Variants in PDPN observed in about 807,000 individuals in gnomAD.
PDPN encodes the protein PA2.26 antigen.
In PDPN, 12 loss-of-function variants were observed where a neutral mutation model predicts 23.2. The ratio of observed to expected loss-of-function variants is 0.52; its 90% CI spans 0.33 to 0.84. The LOEUF is 0.84. Ranked by LOEUF, PDPN falls within the 40% of genes least tolerant of loss-of-function variation. The probability of loss-of-function intolerance (pLI) is 0.02; values close to 1 mark genes in which losing one functional copy is unlikely to be tolerated. For synonymous variants in PDPN, 77 were observed against 76.7 expected, an observed-to-expected ratio of 1.00 and a Z score of -0.02; for missense variants, 199 against 212.2, an observed-to-expected ratio of 0.94 and a Z score of 0.39.
intron 1 of PDPN, among the ~76,000 whole-genome samples, chr1:13,584,574 C>A (rs1570000504): frequency 6.6e-6 from 1 of 152,236 alleles, no homozygotes; most frequent in African/African-American, 2.4e-5. Context: ...TGGCCCTGGT[C>A]CCCCTTGGGA....
At chr1:13,613,429 A>G (rs1026833404) in intron 3 of PDPN, among the ~76,000 whole-genome samples, 1 of 152,136 alleles carries the variant, frequency 6.6e-6, no homozygotes, top group Non-Finnish European at 1.5e-5. Flanking sequence ...TGCTTTCTAA[A>G]CTATAAAATT....
chr1:13,613,040 C>CA (rs1557551970), intron 3 of PDPN, among the ~76,000 whole-genome samples: 4 of 152,018 alleles, frequency 2.6e-5, no homozygotes, highest in Non-Finnish European at 5.9e-5. Context: ...AAAAGAAACT[C>CA]ACAATGACAA....
intron 1 of PDPN, 114 bp from the exon 2 acceptor site, chr1:13,607,059 T>TA: frequency 1.6e-6 from 2 of 1,289,934 alleles, no homozygotes; most frequent in Non-Finnish European, 2.1e-6. Flanking sequence ...GGACCAAAAA[T>TA]AAAACAAAAA....
intron 1 of PDPN, among the ~76,000 whole-genome samples, chr1:13,586,222 A>C (rs916619315): frequency 6.6e-6 from 1 of 152,152 alleles, no homozygotes; most frequent in African/African-American, 2.4e-5. Flanking sequence ...TCATGCGGCC[A>C]ACAAATTTCC....
chr1:13,613,763 GT>G (rs1557552451), intron 4 of PDPN, 38 bp downstream of exon 4: 3 of 1,233,524 alleles, frequency 2.4e-6, no homozygotes, highest in Non-Finnish European at 2.4e-6. Context: ...TCTTACTGGG[GT>G]TTTTTAAAAA....
intron 1 of PDPN, among the ~76,000 whole-genome samples, chr1:13,585,042 A>T (rs928799346): frequency 6.6e-6 from 1 of 152,238 alleles, no homozygotes; most frequent in Non-Finnish European, 1.5e-5. Flanking sequence ...ACATCCAGCC[A>T]TGATTCCCCA....
chr1:13,584,368 G>A (rs1403219188), intron 1 of PDPN: 2 of 1,416,940 alleles, frequency 1.4e-6, no homozygotes, highest in Non-Finnish European at 1.9e-6. Context: ...GCCTCCCTCC[G>A]AGTCGGCAGC....
rs1640123068 is a variant in PDPN at position 13,584,472 on chromosome 1, G to A, written c.67+372G>A. 3.1e-5 allele frequency: 19 copies of A among 611,986 alleles called. 1 individual carries two copies. In the East Asian group the frequency reaches 5.6e-4, roughly 18 times the overall value. 37.9% of individuals were successfully genotyped at this position (611,986 alleles called of 1,614,324 possible). A position where few individuals can be genotyped will look rare whatever the true frequency, so the allele number is the denominator to read the frequency against. ...CTTCCCATAGAGCGGTGTGTTGGAG[G>A]AATACGCACGCCTCGGGAGAAGCTG... On this transcript the variant is annotated intron_variant, in intron 1 of 5. Transcript: ENST00000621990.
At chr1:13,606,052 C>T (rs1165938507) in intron 1 of PDPN, among the ~76,000 whole-genome samples, 1 of 151,686 alleles carries the variant, frequency 6.6e-6, no homozygotes, top group East Asian at 1.9e-4. Flanking sequence ...TGCAGTGATG[C>T]GATCTCAGCT....
chr1:13,601,259 G>C (rs1570036547), intron 1 of PDPN, among the ~76,000 whole-genome samples: 1 of 152,212 alleles, frequency 6.6e-6, no homozygotes, highest in African/African-American at 2.4e-5. Context: ...AGCTTCTGGA[G>C]ACTCTGCAGA....
chr1:13,595,957 G>A, intron 1 of PDPN: 1 of 1,029,694 alleles, frequency 9.7e-7, no homozygotes, highest in Non-Finnish European at 1.3e-6. Context: ...CAGGACTTTG[G>A]GAGGCTGAGG....
intron 1 of PDPN, among the ~76,000 whole-genome samples, chr1:13,605,371 A>G (rs546337111): frequency 6.6e-6 from 1 of 152,130 alleles, no homozygotes; most frequent in Non-Finnish European, 1.5e-5. Flanking sequence ...ATGCTTGTTT[A>G]TTTTGCAACT....
intron 2 of PDPN, among the ~76,000 whole-genome samples, chr1:13,608,654 TAAAC>T (rs1300853902): frequency 2.0e-5 from 3 of 152,062 alleles, no homozygotes; most frequent in Non-Finnish European, 2.9e-5. Context: ...AACGAACACT[TAAAC>T]AAAAGATTTT....
chr1:13,591,613 G>T (rs1179661257), intron 1 of PDPN, among the ~76,000 whole-genome samples: 1 of 152,092 alleles, frequency 6.6e-6, no homozygotes, highest in Non-Finnish European at 1.5e-5. Context: ...ACAATATGTG[G>T]CCTTTTGTGC....
intron 1 of PDPN, among the ~76,000 whole-genome samples, chr1:13,592,910 A>T (rs916919296): frequency 6.6e-6 from 1 of 152,200 alleles, no homozygotes; most frequent in Admixed American, 6.5e-5. Flanking sequence ...TCAATTACCC[A>T]TAAATGTATA....
intron 5 of PDPN, among the ~76,000 whole-genome samples, chr1:13,615,421 G>A (rs547163971): frequency 2.5e-4 from 38 of 151,910 alleles, no homozygotes; most frequent in African/African-American, 8.9e-4. Context: ...AAGTAGCTGG[G>A]ACTACAGGCA....
intron 1 of PDPN, among the ~76,000 whole-genome samples, chr1:13,590,604 C>A (rs537924096): frequency 6.6e-6 from 1 of 151,988 alleles, no homozygotes; most frequent in African/African-American, 2.4e-5. Flanking sequence ...TTAGATCAGT[C>A]CGGGCTTTTT....
rs969244302 is a variant in PDPN at position 13,607,100 on chromosome 1, C to T, written c.68-73C>T. 4.2e-5 allele frequency: 62 copies of T among 1,462,458 alleles called. 1 individual carries two copies. The highest frequency in any genetic ancestry group is 1.8e-4 in the Admixed American group (8 of 45,222). The allele number at this position is 1,462,458 out of a possible 1,614,324, so 90.6% of individuals were successfully genotyped here. A position where few individuals can be genotyped will look rare whatever the true frequency, so the allele number is the denominator to read the frequency against. On this transcript the variant is annotated intron_variant, in intron 1 of 5. Coordinates refer to ENST00000621990, the MANE Select transcript of PDPN (RefSeq NM_006474.5). ...AAAAGAAATGGAAAAGAAAATAATCCGAATGTAGCCGACAAGTTGGGTCTG... is the reference window on the plus strand; with the variant it reads ...AAAAGAAATGGAAAAGAAAATAATCTGAATGTAGCCGACAAGTTGGGTCTG...
In PDPN at chr1:13,617,355, T is replaced by G. The variant is rs530635709; in HGVS notation, c.*1444T>G. ...GATGTTATTTTAAACAGTGTGTCTG[T>G]GTGTTCCCAAATCCAGCTGGCCCCA... On this transcript the variant is annotated 3_prime_UTR_variant, in exon 6 of 6. Coordinates refer to ENST00000621990, the MANE Select transcript of PDPN (RefSeq NM_006474.5). 1 of 152,314 alleles carries G rather than the reference T, an allele frequency of 6.6e-6. No homozygotes were observed. Among genetic ancestry groups the G allele is most frequent in the South Asian group, 2.1e-4 (1 of 4,826 alleles). 9.4% of individuals were successfully genotyped at this position (152,314 alleles called of 1,614,324 possible).
Sources: allele counts gnomAD v4.1 joint callset (sites outside exome capture counted in the v4.1 genomes callset), GRCh38; gene constraint gnomAD v4.1.1; transcripts MANE v1.5; gene names NCBI Gene and HGNC (gene_info 2026-07-23, HGNC 2026-07-21).